MGAT4D: variants seen among roughly 807,000 people sequenced by gnomAD.
MGAT4D encodes MGAT4 family member D, also known as alpha-1,3-mannosyl-glycoprotein 4-beta-N-acetylglucosaminyltransferase-like protein MGAT4D.
In MGAT4D, 34 loss-of-function variants were observed where a neutral mutation model predicts 15.9. The observed-to-expected ratio is 2.14, with a 90% confidence interval of 1.62 to 2.84. MGAT4D has a LOEUF of 2.84. Ranked by LOEUF, MGAT4D falls within the 30% of genes most tolerant of loss-of-function variation. MGAT4D has a pLI of 0.00. For synonymous variants in MGAT4D, 112 were observed against 48.2 expected, an observed-to-expected ratio of 2.33 and a Z score of -5.49; for missense variants, 327 against 140.2, an observed-to-expected ratio of 2.33 and a Z score of -6.73.
intron 9 of MGAT4D, among the ~76,000 whole-genome samples, chr4:140,454,288 C>T (rs888101411): frequency 6.6e-6 from 1 of 152,014 alleles, no homozygotes; most frequent in African/African-American, 2.4e-5. Flanking sequence ...TCTTTCTATT[C>T]CTAATTGGCT....
At chr4:140,472,972 T>C (rs185796879) in intron 4 of MGAT4D, among the ~76,000 whole-genome samples, 16 of 152,214 alleles carry the variant, frequency 1.1e-4, no homozygotes, top group African/African-American at 3.8e-4. Flanking sequence ...ATCTTTATTA[T>C]AGAAAATTCA....
chr4:140,454,012 A>ATGTGTG lies in MGAT4D; in HGVS notation c.1009-2501_1009-2496dup, dbSNP rs34758499. Among the ~76,000 whole-genome samples, 484 of 148,192 alleles carry ATGTGTG rather than the reference A, an allele frequency of 3.3e-3. 1 individual carries two copies. Among genetic ancestry groups the ATGTGTG allele is most frequent in the East Asian group, 0.024 (122 of 5,068 alleles). ...AACCCATTTATCAGTTCTAGGATGTATGTGTGTGTGTGTGTGTGTGTGTGT... is the reference window on the plus strand; with the variant it reads ...AACCCATTTATCAGTTCTAGGATGTATGTGTGTGTGTGTGTGTGTGTGTGTGTGTGT... On this transcript the variant is annotated intron_variant, in intron 9 of 10. Transcript: ENST00000511113.
chr4:140,481,813 G>A (rs1027780605), intron 2 of MGAT4D, among the ~76,000 whole-genome samples: 2 of 152,208 alleles, frequency 1.3e-5, no homozygotes, highest in Non-Finnish European at 2.9e-5. Flanking sequence ...GAGGATTGGA[G>A]TACAAAGGGG....
At chr4:140,444,002 C>T (rs899357497) in intron 10 of MGAT4D, among the ~76,000 whole-genome samples, 1 of 152,016 alleles carries the variant, frequency 6.6e-6, no homozygotes, top group African/African-American at 2.4e-5. Context: ...CCACACAAAA[C>T]CAAATAAATC....
rs74687747 is a variant in MGAT4D at position 140,495,795 on chromosome 4, G to A, written c.94+2334C>T. On this transcript the variant is annotated intron_variant, in intron 1 of 10. Transcript: ENST00000511113. ...TCTGTCACCCAGGCTGAAGGGCAGT[G>A]GCGTGATCTCGGCTCACTGCAACCT... 3.2e-3 allele frequency among the ~76,000 whole-genome samples: 494 copies of A among 152,274 alleles called. 1 individual carries two copies. The highest frequency in any genetic ancestry group is 0.011 in the African/African-American group (463 of 41,542).
In MGAT4D at chr4:140,479,475, T is replaced by C; in HGVS notation, c.391+15A>G. 2.1e-6 allele frequency: 1 copy of C among 465,404 alleles called. No homozygotes were observed. Among genetic ancestry groups the C allele is most frequent in the Non-Finnish European group, 3.8e-6 (1 of 262,028 alleles). 28.8% of individuals were successfully genotyped at this position (465,404 alleles called of 1,614,324 possible). A position where few individuals can be genotyped will look rare whatever the true frequency, so the allele number is the denominator to read the frequency against. On this transcript the variant is annotated intron_variant, in intron 3 of 10. Coordinates refer to ENST00000511113, the MANE Select transcript of MGAT4D (RefSeq NM_001277353.2). ...AAATACCTTTATTTAATTTTCCAAT[T>C]CTAAGTTTTCTTACCACCAGTTTTC... is the stretch of plus-strand genomic sequence containing the variant.
At position 140,442,901 on chromosome 4, in the gene MGAT4D, A is replaced by G. The variant is rs1211247572; in HGVS notation, c.*535T>C. ...ATCTTTAGAACTAAATGACTATAAGAATACATATATATCAAGATGTTTGAT... is the reference window on the plus strand; with the variant it reads ...ATCTTTAGAACTAAATGACTATAAGGATACATATATATCAAGATGTTTGAT... On this transcript the variant is annotated 3_prime_UTR_variant, in exon 11 of 11. Coordinates refer to ENST00000511113, the MANE Select transcript of MGAT4D (RefSeq NM_001277353.2). 3 of 152,310 alleles carry G rather than the reference A, an allele frequency of 2.0e-5. No homozygotes were observed. Among genetic ancestry groups the G allele is most frequent in the South Asian group, 2.1e-4 (1 of 4,828 alleles). 9.4% of individuals were successfully genotyped at this position (152,310 alleles called of 1,614,324 possible). A position where few individuals can be genotyped will look rare whatever the true frequency, so the allele number is the denominator to read the frequency against.
chr4:140,474,179 G>A lies in MGAT4D; in HGVS notation c.525+634C>T, dbSNP rs903921631. 3.9e-5 allele frequency among the ~76,000 whole-genome samples: 6 copies of A among 152,106 alleles called. No homozygotes were observed. In the East Asian group the frequency reaches 1.2e-3, roughly 29 times the overall value. On this transcript the variant is annotated intron_variant, in intron 4 of 10. Coordinates refer to ENST00000511113, the MANE Select transcript of MGAT4D (RefSeq NM_001277353.2). ...ACTATATAGTTTTAAATGGTATTAG[G>A]AACAGTGGAAATCTTTGGGGTCATT... is the stretch of plus-strand genomic sequence containing the variant.
At position 140,442,647 on chromosome 4, in the gene MGAT4D, T is replaced by C. The variant is rs1311931500; in HGVS notation, c.*789A>G. 1 of 152,054 alleles carries C rather than the reference T, an allele frequency of 6.6e-6. No homozygotes were observed. The highest frequency in any genetic ancestry group is 2.4e-5 in the African/African-American group (1 of 41,444). 9.4% of individuals were successfully genotyped at this position (152,054 alleles called of 1,614,324 possible). On this transcript the variant is annotated 3_prime_UTR_variant, in exon 11 of 11. Transcript: ENST00000511113. ...CAACACTTTTAAAAACAAATGAATATAACATATTTAAAAGGGAGTATACAG... is the reference window on the plus strand; with the variant it reads ...CAACACTTTTAAAAACAAATGAATACAACATATTTAAAAGGGAGTATACAG...
At chr4:140,477,421 T>C (rs1732409963) in intron 3 of MGAT4D, among the ~76,000 whole-genome samples, 1 of 152,208 alleles carries the variant, frequency 6.6e-6, no homozygotes, top group African/African-American at 2.4e-5. Flanking sequence ...AGTAGAAGCT[T>C]ATTAAATGAG....
chr4:140,456,436 T>C (rs368231558), intron 9 of MGAT4D, among the ~76,000 whole-genome samples, 153 bp downstream of exon 9: 1 of 152,152 alleles, frequency 6.6e-6, no homozygotes, highest in African/African-American at 2.4e-5. Context: ...CATTACTTCA[T>C]TTAATAGGTA....
At chr4:140,462,330 A>G (rs913247927) in intron 6 of MGAT4D, among the ~76,000 whole-genome samples, 1 of 152,174 alleles carries the variant, frequency 6.6e-6, no homozygotes, top group Non-Finnish European at 1.5e-5. Flanking sequence ...AAATGAAAGT[A>G]TAAAGAAACT....
intron 6 of MGAT4D, among the ~76,000 whole-genome samples, 157 bp from the exon 7 acceptor site, chr4:140,462,161 G>A (rs1016640958): frequency 2.0e-5 from 3 of 151,992 alleles, no homozygotes; most frequent in Admixed American, 6.5e-5. Context: ...AAGTAAAATT[G>A]AATATCTTAT....
intron 1 of MGAT4D, among the ~76,000 whole-genome samples, chr4:140,494,161 G>A (rs1733685592): frequency 6.6e-6 from 1 of 152,200 alleles, no homozygotes; most frequent in Non-Finnish European, 1.5e-5. Flanking sequence ...CAGGACACTA[G>A]AATTCCATGA....
intron 2 of MGAT4D, among the ~76,000 whole-genome samples, chr4:140,481,051 T>C (rs139639303): frequency 6.6e-6 from 1 of 152,106 alleles, no homozygotes. Flanking sequence ...CATGGTCCCG[T>C]AATTCCAGCA....
chr4:140,479,690 A>AT (rs1446606261), intron 2 of MGAT4D, 63 bp from the exon 3 acceptor site: 2 of 372,212 alleles, frequency 5.4e-6, no homozygotes, highest in Non-Finnish European at 9.6e-6. Context: ...CCCTGGAATA[A>AT]TTTTTTCAAA....
At chr4:140,491,985 A>T (rs890769842) in intron 1 of MGAT4D, among the ~76,000 whole-genome samples, 3 of 152,166 alleles carry the variant, frequency 2.0e-5, no homozygotes, top group African/African-American at 7.2e-5. Context: ...CCAGTCAGTC[A>T]TCAAGAAGTC....
At chr4:140,466,569 A>G (rs1390441862) in intron 5 of MGAT4D, among the ~76,000 whole-genome samples, 2 of 152,180 alleles carry the variant, frequency 1.3e-5, no homozygotes, top group Non-Finnish European at 2.9e-5. Flanking sequence ...ATTAATACTC[A>G]ATAATTTTAA....
chr4:140,447,474 T>C (rs932393687), intron 10 of MGAT4D, among the ~76,000 whole-genome samples: 6 of 152,148 alleles, frequency 3.9e-5, no homozygotes, highest in Admixed American at 2.0e-4. Flanking sequence ...TCTTTGTCTT[T>C]TTTGATGTTG....
Sources: gnomAD v4.1 joint callset for allele counts (sites outside exome capture counted in the v4.1 genomes callset) on GRCh38, gnomAD v4.1.1 for gene constraint, MANE v1.5 for transcripts, NCBI Gene and HGNC (gene_info 2026-07-23, HGNC 2026-07-21) for gene names.